Variants in PISD observed in about 807,000 individuals in gnomAD.
PISD encodes phosphatidylserine decarboxylase proenzyme, mitochondrial.
In PISD, 31 loss-of-function variants were observed where a neutral mutation model predicts 43.5. That is an observed-to-expected ratio of 0.71 (90% confidence interval 0.54 to 0.96). The LOEUF is 0.96. PISD is among the 40% of genes least tolerant of loss of function. The pLI is 0.00. For missense variants in PISD, 523 were observed against 548.4 expected, an observed-to-expected ratio of 0.95 and a Z score of 0.46; for synonymous variants, 259 against 228.7, an observed-to-expected ratio of 1.13 and a Z score of -1.20.
chr22:31,648,563 G>A (rs1282001577), intron 2 of PISD, among the ~76,000 whole-genome samples: 2 of 152,060 alleles, frequency 1.3e-5, no homozygotes, highest in African/African-American at 2.4e-5. Context: ...CCAGCTACTC[G>A]GGAGGCTGAG....
At chr22:31,661,014 C>T (rs549750345) in intron 1 of PISD, among the ~76,000 whole-genome samples, 34 of 152,304 alleles carry the variant, frequency 2.2e-4, no homozygotes, top group Non-Finnish European at 2.5e-4. Flanking sequence ...AGGTTACAGG[C>T]GTGAGCCACC....
At chr22:31,640,478 G>A (rs914740371) in intron 3 of PISD, among the ~76,000 whole-genome samples, 4 of 151,672 alleles carry the variant, frequency 2.6e-5, no homozygotes, top group Non-Finnish European at 4.4e-5. Flanking sequence ...TTACAGGCAT[G>A]AGCCACCACT....
chr22:31,622,389 A>G (rs551026996), intron 3 of PISD, among the ~76,000 whole-genome samples: 11 of 152,318 alleles, frequency 7.2e-5, no homozygotes, highest in South Asian at 2.1e-4. Flanking sequence ...TAACAGGAAG[A>G]AGGAGGATAC....
In PISD at chr22:31,620,613, G is replaced by A. The variant is rs557547509; in HGVS notation, c.945C>T (p.Phe315=). ...TGGCCCCCACAGCTGTCAGTGAGAA[G>A]AAGCCATGTTTCCAGTCCCCCGTCA... ...VVLTGDWKHG[F]FSLTAVGATN... Residue 315 remains phenylalanine, a synonymous_variant, in exon 7 of 8, where the codon TTC becomes TTT. Coordinates refer to ENST00000439502, the MANE Select transcript of PISD (RefSeq NM_001326411.2). 8.7e-6 allele frequency: 14 copies of A among 1,614,248 alleles called. No homozygotes were observed. In the East Asian group the frequency reaches 2.5e-4, roughly 28 times the overall value.
At chr22:31,660,950 G>A (rs2147829998) in intron 1 of PISD, among the ~76,000 whole-genome samples, 1 of 152,192 alleles carries the variant, frequency 6.6e-6, no homozygotes. Context: ...GGCCAGGCTG[G>A]TCTCGAACTC....
At position 31,620,891 on chromosome 22, in the gene PISD, C is replaced by T. The variant is rs1011331571; in HGVS notation, c.844+105G>A. Reference sequence around the variant, plus strand: ...CCTGCATAAAGCAGTCAACTCCTGGCCTCAATGACCCTGATCTGGAGCCTG... The same window carrying T: ...CCTGCATAAAGCAGTCAACTCCTGGTCTCAATGACCCTGATCTGGAGCCTG... On this transcript the variant is annotated intron_variant, in intron 6 of 7. Coordinates refer to ENST00000439502, the MANE Select transcript of PISD (RefSeq NM_001326411.2). 2.1e-6 allele frequency: 3 copies of T among 1,417,284 alleles called. No individual in the cohort carries two copies. In the African/African-American group the frequency reaches 4.3e-5, roughly 20 times the overall value. The allele number at this position is 1,417,284 out of a possible 1,614,324, so 87.8% of individuals were successfully genotyped here.
intron 1 of PISD, 22 bp from the exon 2 acceptor site, chr22:31,650,800 C>A (rs2074010584): frequency 7.0e-7 from 1 of 1,427,550 alleles, no homozygotes; most frequent in Non-Finnish European, 9.6e-7. Flanking sequence ...CAAAAATGAA[C>A]CATTAAATAT....
intron 1 of PISD, among the ~76,000 whole-genome samples, chr22:31,660,066 T>C (rs1224493445): frequency 1.3e-5 from 2 of 152,186 alleles, no homozygotes; most frequent in African/African-American, 4.8e-5. Context: ...CACCCAGTTA[T>C]TGAAAAACTT....
In PISD at chr22:31,620,692, G is replaced by A; in HGVS notation, c.866C>T (p.Pro289Leu). 1 of 1,614,246 alleles carries A rather than the reference G, an allele frequency of 6.2e-7. No homozygotes were observed. Among genetic ancestry groups the A allele is most frequent in the East Asian group, 2.2e-5 (1 of 44,892 alleles). The stretch of plus-strand genomic sequence containing the variant: ...CTCTTTGATCCAGCGAGCCATGCCA[G>A]GGTTCACTGACATCAGGGAGCCTGC... ...HFPGSLMSVN[P>L]GMARWIKELF... The change falls in exon 7 of 8, where the codon CCT becomes CTT. Residue 289 changes from proline to leucine, a missense_variant. Pro to Leu is a moderately conservative substitution (Grantham distance 98, BLOSUM62 -3). Transcript: ENST00000439502.
At chr22:31,624,094 G>C (rs1033520147) in intron 3 of PISD, among the ~76,000 whole-genome samples, 1 of 152,236 alleles carries the variant, frequency 6.6e-6, no homozygotes, top group Non-Finnish European at 1.5e-5. Flanking sequence ...CCACCCGCCA[G>C]CCAGCTGGGG....
chr22:31,662,221 T>A, upstream of PISD: 1 of 1,602,116 alleles, frequency 6.2e-7, no homozygotes, highest in Admixed American at 1.7e-5. Flanking sequence ...TGTCTGCTCC[T>A]TCTCAGCGTG....
Position 31,630,631 on chromosome 22 carries a change from G to T in PISD, c.322-8746C>A. The T allele has an allele frequency of 2.8e-6, 2 of 722,756 alleles. No individual in the cohort carries two copies. Among genetic ancestry groups the T allele is most frequent in the Non-Finnish European group, 3.4e-6 (2 of 589,722 alleles). The allele number at this position is 722,756 out of a possible 1,614,324, so 44.8% of individuals were successfully genotyped here. A position where few individuals can be genotyped will look rare whatever the true frequency, so the allele number is the denominator to read the frequency against. ...CGACTCGCTCAACCTTGTCCGCGGG[G>T]CTCCTCAGGCCGGGGCCGCGTCGTC... On this transcript the variant is annotated intron_variant, in intron 3 of 7. Coordinates refer to ENST00000439502, the MANE Select transcript of PISD (RefSeq NM_001326411.2). This position sits in a 1 kb window ranked among gnomAD's most constrained non-coding sequence, Gnocchi z 4.4.
intron 1 of PISD, among the ~76,000 whole-genome samples, chr22:31,658,574 G>T (rs774645182): frequency 6.6e-6 from 1 of 152,102 alleles, no homozygotes; most frequent in East Asian, 1.9e-4. Context: ...TTTTGAGACA[G>T]GGTCTCACTC....
intron 3 of PISD, chr22:31,628,929 G>C: frequency 1.0e-6 from 1 of 985,366 alleles, no homozygotes; most frequent in Non-Finnish European, 1.2e-6. Flanking sequence ...AATAAGAGGG[G>C]CTTAGGTGGC....
At chr22:31,637,204 T>TATATATACACAC (rs1267117734) in intron 3 of PISD, among the ~76,000 whole-genome samples, 1 of 95,792 alleles carries the variant, frequency 1.0e-5, no homozygotes, top group East Asian at 3.2e-4. Flanking sequence ...TATATATATA[T>TATATATACACAC]ATAGAAAAAT....
chr22:31,623,281 C>T (rs2072682879), intron 3 of PISD, among the ~76,000 whole-genome samples: 2 of 152,252 alleles, frequency 1.3e-5, no homozygotes, highest in Admixed American at 6.5e-5. Flanking sequence ...ATCCATCCAT[C>T]CTGAACCACC....
chr22:31,633,577 T>C (rs1399406633), intron 3 of PISD, among the ~76,000 whole-genome samples: 1 of 152,038 alleles, frequency 6.6e-6, no homozygotes, highest in Non-Finnish European at 1.5e-5. Context: ...TAGCCAGGCA[T>C]GGTGGCGGGC....
At chr22:31,640,549 AACATCCTT>A (rs1340850972) in intron 3 of PISD, among the ~76,000 whole-genome samples, 10 of 149,592 alleles carry the variant, frequency 6.7e-5, no homozygotes, top group Non-Finnish European at 1.0e-4. Flanking sequence ...TTAAAATAAA[AACATCCTT>A]TTTGTTTCGG....
chr22:31,641,418 C>T (rs1479258420), intron 3 of PISD, among the ~76,000 whole-genome samples: 5 of 152,120 alleles, frequency 3.3e-5, no homozygotes, highest in Non-Finnish European at 7.3e-5. Flanking sequence ...GACTTATGGG[C>T]AGGCAGCATA....
Sources: allele counts gnomAD v4.1 joint callset (sites outside exome capture counted in the v4.1 genomes callset), GRCh38; gene constraint gnomAD v4.1.1; non-coding constraint Gnocchi (gnomAD v3.1); transcripts MANE v1.5; gene names NCBI Gene and HGNC (gene_info 2026-07-23, HGNC 2026-07-21).